PIK3CB: variants seen among roughly 807,000 people sequenced by gnomAD.
The protein encoded by PIK3CB is phosphatidylinositol-4,5-bisphosphate 3-kinase catalytic subunit beta.
A neutral mutation model predicts 136.8 loss-of-function variants in PIK3CB; 39 were observed. The observed-to-expected ratio is 0.29, with a 90% CI of 0.22 to 0.37. The LOEUF is 0.37. Among genes scored for constraint, PIK3CB ranks in the 10% least tolerant of loss-of-function variants. The pLI is 1.00. For synonymous variants in PIK3CB, 428 were observed against 436.6 expected, an observed-to-expected ratio of 0.98 and a Z score of 0.25; for missense variants, 868 against 1,275.4, an observed-to-expected ratio of 0.68 and a Z score of 4.87.
intron 19 of PIK3CB, among the ~76,000 whole-genome samples, chr3:138,669,436 G>A (rs925233148): frequency 2.5e-4 from 33 of 133,628 alleles, no homozygotes; most frequent in African/African-American, 8.3e-4. Context: ...AGGGGGGGGG[G>A]ATGTAAAATG....
chr3:138,778,410 G>C, intron 2 of PIK3CB: 1 of 304,278 alleles, frequency 3.3e-6, no homozygotes, highest in Non-Finnish European at 6.5e-6. Context: ...GGAAACTGTG[G>C]TGCAATGGCT....
At chr3:138,706,652 C>G (rs1362397645) in intron 11 of PIK3CB, among the ~76,000 whole-genome samples, 2 of 152,110 alleles carry the variant, frequency 1.3e-5, no homozygotes, top group African/African-American at 4.8e-5. Context: ...TCCAGAGATG[C>G]CTTTTCTCTC....
At chr3:138,696,619 CA>C (rs1189376828) in intron 13 of PIK3CB, among the ~76,000 whole-genome samples, 3 of 152,090 alleles carry the variant, frequency 2.0e-5, no homozygotes, top group African/African-American at 7.2e-5. Context: ...TCTACGGAAT[CA>C]AAATCTCATG....
chr3:138,744,916 G>A (rs2045322702), intron 4 of PIK3CB, among the ~76,000 whole-genome samples: 2 of 152,172 alleles, frequency 1.3e-5, no homozygotes, highest in South Asian at 4.1e-4. Flanking sequence ...TCCACGATCT[G>A]TATCTTGAAA....
chr3:138,804,043 G>A (rs1183178822), intron 1 of PIK3CB, among the ~76,000 whole-genome samples: 1 of 152,094 alleles, frequency 6.6e-6, no homozygotes, highest in East Asian at 1.9e-4. Flanking sequence ...TGACTGACAG[G>A]CCAGGTGCAG....
intron 5 of PIK3CB, among the ~76,000 whole-genome samples, chr3:138,738,125 G>T (rs2045153172): frequency 6.6e-6 from 1 of 151,958 alleles, no homozygotes; most frequent in South Asian, 2.1e-4. Flanking sequence ...CCACAGGTAA[G>T]ATTAATATTT....
intron 9 of PIK3CB, among the ~76,000 whole-genome samples, chr3:138,712,511 T>A (rs2044523631): frequency 1.3e-5 from 2 of 151,904 alleles, no homozygotes; most frequent in African/African-American, 4.8e-5. Flanking sequence ...AATTAACATT[T>A]CATAATAAAT....
At chr3:138,815,813 G>A (rs1056311683) in intron 1 of PIK3CB, among the ~76,000 whole-genome samples, 3 of 152,114 alleles carry the variant, frequency 2.0e-5, no homozygotes, top group Admixed American at 1.3e-4. Context: ...GACATCCACA[G>A]GGAATCCTGA....
chr3:138,720,202 T>G (rs1211829092), intron 8 of PIK3CB, among the ~76,000 whole-genome samples: 1 of 152,178 alleles, frequency 6.6e-6, no homozygotes, highest in East Asian at 1.9e-4. Context: ...CTCCTTCCCT[T>G]CAGCCACACA....
At chr3:138,825,554 C>A (rs1933743555) in intron 1 of PIK3CB, 1 of 647,284 alleles carries the variant, frequency 1.5e-6, no homozygotes. Context: ...ATGCTGAAGC[C>A]AAGTGATAAC....
intron 8 of PIK3CB, among the ~76,000 whole-genome samples, chr3:138,722,766 C>T (rs1324944757): frequency 6.7e-6 from 1 of 149,822 alleles, no homozygotes; most frequent in Non-Finnish European, 1.5e-5. Flanking sequence ...GTGTGAACAG[C>T]CACAACAAAA....
At chr3:138,798,547 G>A (rs1310675719) in intron 1 of PIK3CB, among the ~76,000 whole-genome samples, 1 of 152,126 alleles carries the variant, frequency 6.6e-6, no homozygotes, top group Non-Finnish European at 1.5e-5. Context: ...TTCCTAGGTG[G>A]GGTGGAGCAT....
chr3:138,702,833 T>C (rs1039770283), intron 12 of PIK3CB, among the ~76,000 whole-genome samples: 6 of 152,220 alleles, frequency 3.9e-5, no homozygotes, highest in Non-Finnish European at 5.9e-5. Context: ...TGTTTTACTT[T>C]TTCAATAAAC....
At chr3:138,667,609 T>G (rs1444938214) in intron 19 of PIK3CB, among the ~76,000 whole-genome samples, 2 of 151,456 alleles carry the variant, frequency 1.3e-5, no homozygotes, top group Non-Finnish European at 2.9e-5. Context: ...TCGCCCAGGC[T>G]GGAGTGCAGT....
chr3:138,691,048 C>T lies in PIK3CB; in HGVS notation c.1988G>A (p.Arg663Lys), dbSNP rs2108506148. Residue 663 changes from arginine to lysine, a missense_variant, in exon 15 of 24, where the codon AGA (arginine) becomes AAA (lysine). Coordinates refer to ENST00000674063, the MANE Select transcript of PIK3CB (RefSeq NM_006219.3). ...CCCTATCCTCCGATTACCAAGTGCT[C>T]TTTCTAATAGGAATCTAGAGAGGGC... ...DCALSRFLLE[R>K]ALGNRRIGQF... 2 of 1,613,300 alleles carry T rather than the reference C, an allele frequency of 1.2e-6. No individual in the cohort carries two copies. Among genetic ancestry groups the T allele is most frequent in the Non-Finnish European group, 1.7e-6 (2 of 1,179,314 alleles).
intron 2 of PIK3CB, among the ~76,000 whole-genome samples, chr3:138,787,676 C>T (rs1324760209): frequency 6.6e-6 from 1 of 150,990 alleles, no homozygotes; most frequent in African/African-American, 2.4e-5. Flanking sequence ...AAAATTTCTC[C>T]AGCTCCTTGT....
intron 4 of PIK3CB, among the ~76,000 whole-genome samples, chr3:138,743,897 T>C (rs981881739): frequency 6.6e-6 from 1 of 152,170 alleles, no homozygotes; most frequent in East Asian, 1.9e-4. Context: ...ACTTAACTAC[T>C]AATAGCCTAC....
chr3:138,681,093 C>T (rs1292671932), intron 19 of PIK3CB, among the ~76,000 whole-genome samples: 1 of 143,670 alleles, frequency 7.0e-6, no homozygotes, highest in Non-Finnish European at 1.5e-5. Flanking sequence ...GTCATCCAGC[C>T]TGGAGTGTAG....
chr3:138,785,433 A>G (rs1243950073), intron 2 of PIK3CB, among the ~76,000 whole-genome samples: 1 of 152,186 alleles, frequency 6.6e-6, no homozygotes, highest in African/African-American at 2.4e-5. Context: ...TCTCTGTAGA[A>G]AGAAGTAGAC....
Sources: gnomAD v4.1 joint callset for allele counts (sites outside exome capture counted in the v4.1 genomes callset) on GRCh38, gnomAD v4.1.1 for gene constraint, MANE v1.5 for transcripts, NCBI Gene and HGNC (gene_info 2026-07-23, HGNC 2026-07-21) for gene names.